PLGRKT: variants seen among roughly 807,000 people sequenced by gnomAD.
PLGRKT encodes plasminogen receptor with a C-terminal lysine.
A neutral mutation model predicts 18.5 loss-of-function variants in PLGRKT; 22 were observed. That is an observed-to-expected ratio of 1.19 (90% CI 0.85 to 1.70). The LOEUF (loss-of-function observed/expected upper bound fraction) is 1.70. PLGRKT is among the 40% of genes most tolerant of loss of function. The probability of loss-of-function intolerance (pLI) is 0.00; values close to 1 mark genes in which losing one functional copy is unlikely to be tolerated. For missense variants in PLGRKT, 235 were observed against 174.4 expected, an observed-to-expected ratio of 1.35 and a Z score of -1.96; for synonymous variants, 72 against 52.8, an observed-to-expected ratio of 1.36 and a Z score of -1.58.
chr9:5,392,031 A>G (rs550862178), intron 3 of PLGRKT, among the ~76,000 whole-genome samples: 3 of 152,058 alleles, frequency 2.0e-5, no homozygotes, highest in African/African-American at 7.3e-5. Flanking sequence ...GAGCTCTGAC[A>G]TATGTACCAT....
At chr9:5,409,176 C>G (rs975220371) in intron 3 of PLGRKT, among the ~76,000 whole-genome samples, 2 of 152,158 alleles carry the variant, frequency 1.3e-5, no homozygotes, top group Non-Finnish European at 2.9e-5. Context: ...TACTGAGTGT[C>G]AACTTGATTG....
intron 3 of PLGRKT, among the ~76,000 whole-genome samples, chr9:5,428,151 A>G (rs1818738955): frequency 6.6e-6 from 1 of 152,158 alleles, no homozygotes; most frequent in Non-Finnish European, 1.5e-5. Context: ...CAATGAGGGT[A>G]GAGAACTGTG....
At chr9:5,370,578 G>A (rs964846659) in intron 3 of PLGRKT, among the ~76,000 whole-genome samples, 1 of 152,082 alleles carries the variant, frequency 6.6e-6, no homozygotes, top group African/African-American at 2.4e-5. Flanking sequence ...TGACAGAAAA[G>A]TTTGGTTTTT....
intron 3 of PLGRKT, among the ~76,000 whole-genome samples, chr9:5,416,640 G>A (rs1818465906): frequency 6.6e-6 from 1 of 151,842 alleles, no homozygotes; most frequent in South Asian, 2.1e-4. Context: ...ATAGCTTGAA[G>A]GAGGAAAACA....
At chr9:5,388,094 T>C (rs780342414) in intron 3 of PLGRKT, among the ~76,000 whole-genome samples, 1 of 151,854 alleles carries the variant, frequency 6.6e-6, no homozygotes, top group Non-Finnish European at 1.5e-5. Context: ...CGGGAGTTAT[T>C]TGAAATTATG....
rs116675455 is a variant in PLGRKT, at chr9:5,363,937, G to C, written c.82-2049C>G. 4.6e-3 allele frequency among the ~76,000 whole-genome samples: 704 copies of C among 152,286 alleles called. 7 individuals carry two copies. The highest frequency in any genetic ancestry group is 0.016 in the African/African-American group (648 of 41,562). On this transcript the variant is annotated intron_variant, in intron 3 of 5. Transcript: ENST00000223864. ...ATAGATGTGTTTTTGCACAAGATTA[G>C]TGTGTGAAATTCATCCTTGCCACAT...
At chr9:5,397,578 G>C (rs2014370) in intron 3 of PLGRKT, among the ~76,000 whole-genome samples, 56,798 of 151,310 alleles carry the variant, frequency 0.38, 12,919 homozygotes, top group African/African-American at 0.62. Flanking sequence ...AGAAGGGATG[G>C]AGGGTGGGGG....
chr9:5,419,530 G>A (rs1306749060), intron 3 of PLGRKT, among the ~76,000 whole-genome samples: 1 of 152,142 alleles, frequency 6.6e-6, no homozygotes, highest in Admixed American at 6.5e-5. Context: ...GCCGCCGCGA[G>A]CCACAAAAAA....
intron 3 of PLGRKT, among the ~76,000 whole-genome samples, chr9:5,386,761 T>A (rs1166736359): frequency 6.6e-6 from 1 of 151,882 alleles, no homozygotes; most frequent in African/African-American, 2.4e-5. Flanking sequence ...CCTATGTCCA[T>A]CACCCATAAT....
chr9:5,437,486 A>C (rs1036832480), intron 1 of PLGRKT: 22 of 152,316 alleles, frequency 1.4e-4, no homozygotes, highest in African/African-American at 5.1e-4. Context: ...CAGTTACTGT[A>C]ATTTAGGTAT....
At chr9:5,385,981 T>G (rs1817835639) in intron 3 of PLGRKT, among the ~76,000 whole-genome samples, 1 of 151,798 alleles carries the variant, frequency 6.6e-6, no homozygotes, top group Non-Finnish European at 1.5e-5. Flanking sequence ...TTTGGATTCC[T>G]TATGTCAGAC....
chr9:5,426,571 A>T (rs1005923382), intron 3 of PLGRKT, among the ~76,000 whole-genome samples: 2 of 152,238 alleles, frequency 1.3e-5, no homozygotes, highest in African/African-American at 4.8e-5. Context: ...CTTGAAATTA[A>T]GAAATAAATA....
chr9:5,407,161 A>G (rs567973644), intron 3 of PLGRKT, among the ~76,000 whole-genome samples: 3 of 152,328 alleles, frequency 2.0e-5, no homozygotes, highest in Admixed American at 6.5e-5. Flanking sequence ...AAACATGTAC[A>G]ATGATTGACA....
chr9:5,417,656 C>A (rs1586738169), intron 3 of PLGRKT, among the ~76,000 whole-genome samples: 1 of 145,536 alleles, frequency 6.9e-6, no homozygotes, highest in Admixed American at 6.8e-5. Flanking sequence ...GTAAAGTACT[C>A]TTTTTTTTTT....
At chr9:5,380,320 T>C (rs761431442) in intron 3 of PLGRKT, among the ~76,000 whole-genome samples, 2 of 150,102 alleles carry the variant, frequency 1.3e-5, no homozygotes, top group Non-Finnish European at 2.9e-5. Context: ...TGAGCCGAGA[T>C]TGCGCCACTG....
chr9:5,415,199 G>C (rs1818436584), intron 3 of PLGRKT, among the ~76,000 whole-genome samples: 1 of 152,112 alleles, frequency 6.6e-6, no homozygotes, highest in South Asian at 2.1e-4. Flanking sequence ...CTATTAAAAA[G>C]ATATAGAAAG....
At chr9:5,365,765 T>C (rs183980655) in intron 3 of PLGRKT, among the ~76,000 whole-genome samples, 10 of 152,338 alleles carry the variant, frequency 6.6e-5, no homozygotes, top group Admixed American at 5.9e-4. Context: ...GCACAAAGAA[T>C]GTAGGGTATT....
chr9:5,374,250 T>A (rs537124504), intron 3 of PLGRKT, among the ~76,000 whole-genome samples: 1 of 152,218 alleles, frequency 6.6e-6, no homozygotes, highest in Non-Finnish European at 1.5e-5. Context: ...GTTCAGACCA[T>A]CATTACCCAT....
At chr9:5,412,268 A>T (rs565170949) in intron 3 of PLGRKT, among the ~76,000 whole-genome samples, 5 of 152,180 alleles carry the variant, frequency 3.3e-5, no homozygotes, top group Non-Finnish European at 7.4e-5. Flanking sequence ...ATAAAACTAG[A>T]TCCCTATCTC....
Sources: allele counts gnomAD v4.1 joint callset (sites outside exome capture counted in the v4.1 genomes callset), GRCh38; gene constraint gnomAD v4.1.1; transcripts MANE v1.5; gene names NCBI Gene and HGNC (gene_info 2026-07-23, HGNC 2026-07-21).